ASCC3: variants seen among roughly 807,000 people sequenced by gnomAD.
ASCC3 encodes the protein activating signal cointegrator 1 complex subunit 3.
ASCC3 carries 158 observed loss-of-function variants against 256.3 expected under a neutral mutation model. That is an observed-to-expected ratio of 0.62 (90% CI 0.54 to 0.70). The LOEUF (loss-of-function observed/expected upper bound fraction) is 0.70, where lower values mean the gene tolerates loss of function less well. Among genes scored for constraint, ASCC3 ranks in the 30% least tolerant of loss-of-function variants. ASCC3 has a pLI of 0.00. For synonymous variants in ASCC3, 948 were observed against 883.4 expected (o/e 1.07, Z -1.30); for missense variants, 2,259 against 2,626.0 (o/e 0.86, Z 3.05).
chr6:100,525,772 C>T (rs1187942656), intron 37 of ASCC3, among the ~76,000 whole-genome samples: 3 of 152,140 alleles, frequency 2.0e-5, no homozygotes, highest in Admixed American at 2.0e-4. Flanking sequence ...GAACTTTGTA[C>T]TATCTTTGCA....
intron 34 of ASCC3, among the ~76,000 whole-genome samples, chr6:100,597,871 G>A (rs976160224): frequency 6.7e-6 from 1 of 148,952 alleles, no homozygotes; most frequent in African/African-American, 2.5e-5. Context: ...CTACTCGGGA[G>A]GCTGAGGCAG....
Position 100,590,043 on chromosome 6 carries a change from C to T in ASCC3, c.5320G>A (p.Asp1774Asn), listed in dbSNP as rs1031903529. 9 of 1,612,700 alleles carry T rather than the reference C, an allele frequency of 5.6e-6. No homozygotes were observed. The Admixed American group carries it at 6.7e-5, about 12-fold the overall frequency. The change falls in exon 35 of 42, where the codon GAT becomes AAT. Residue 1774 changes from aspartate (D) to asparagine (N), a missense_variant. By Grantham distance (23) the Asp-to-Asn change is conservative. This residue lies in a region of ASCC3 where 1,839 missense variants were observed against 2,206.7 expected (regional missense o/e 0.83). Transcript: ENST00000369162. ...IMNPSYYNLG[D>N]VSHDSVNKFL... ...TTGTTCACAGAATCATGGCTCACAT[C>T]ACCCAAATTGTAATAGCTAGAAAAC...
chr6:100,667,144 C>G (rs557211506), intron 14 of ASCC3, among the ~76,000 whole-genome samples: 1 of 152,246 alleles, frequency 6.6e-6, no homozygotes, highest in South Asian at 2.1e-4. Context: ...TGGCAGGGTG[C>G]CTTCTTCATA....
At chr6:100,827,206 T>C (rs905593050) in intron 4 of ASCC3, among the ~76,000 whole-genome samples, 2 of 152,222 alleles carry the variant, frequency 1.3e-5, no homozygotes, top group Non-Finnish European at 2.9e-5. Context: ...CATTTTGTGT[T>C]TTACATTCTA....
intron 34 of ASCC3, among the ~76,000 whole-genome samples, chr6:100,590,261 A>C (rs1267338069): frequency 6.6e-6 from 1 of 152,100 alleles, no homozygotes; most frequent in African/African-American, 2.4e-5. Context: ...TTGTTCCCCT[A>C]GTGCTTACAG....
intron 3 of ASCC3, among the ~76,000 whole-genome samples, chr6:100,852,855 A>AC: frequency 6.6e-6 from 1 of 152,130 alleles, no homozygotes; most frequent in Non-Finnish European, 1.5e-5. Flanking sequence ...TTCAACTGTA[A>AC]TATATTTAAA....
intron 25 of ASCC3, among the ~76,000 whole-genome samples, chr6:100,632,351 A>T (rs947292555): frequency 2.5e-4 from 38 of 152,072 alleles, no homozygotes; most frequent in African/African-American, 9.2e-4. Context: ...ATATCCCATG[A>T]TCATGGACTG....
At chr6:100,852,347 G>A (rs1032126778) in intron 3 of ASCC3, among the ~76,000 whole-genome samples, 3 of 152,200 alleles carry the variant, frequency 2.0e-5, no homozygotes, top group African/African-American at 7.2e-5. Flanking sequence ...AGAAGGGGGA[G>A]ATGGAACGGC....
At chr6:100,829,221 C>T (rs1771491849) in intron 4 of ASCC3, among the ~76,000 whole-genome samples, 2 of 152,286 alleles carry the variant, frequency 1.3e-5, no homozygotes, top group Non-Finnish European at 2.9e-5. Context: ...AGACCCGCAC[C>T]GTGCACCTGC....
chr6:100,559,737 T>C (rs1305061456), intron 36 of ASCC3, among the ~76,000 whole-genome samples: 5 of 151,768 alleles, frequency 3.3e-5, no homozygotes, highest in Admixed American at 2.0e-4. Context: ...TCCCAAATAC[T>C]TGGGAGGCTG....
chr6:100,798,666 G>T, intron 8 of ASCC3, 47 bp downstream of exon 8: 1 of 1,607,480 alleles, frequency 6.2e-7, no homozygotes. Flanking sequence ...CATTCATACC[G>T]CATACCAAGC....
chr6:100,830,796 C>T (rs1408716818), intron 4 of ASCC3, among the ~76,000 whole-genome samples: 4 of 152,134 alleles, frequency 2.6e-5, no homozygotes, highest in Non-Finnish European at 4.4e-5. Context: ...ATGTAAAATG[C>T]ATAAGCAACT....
chr6:100,605,778 C>G (rs1220839380), intron 32 of ASCC3, 78 bp from the exon 33 acceptor site: 5 of 1,454,902 alleles, frequency 3.4e-6, no homozygotes, highest in Non-Finnish European at 4.8e-6. Flanking sequence ...TGGCATGCTT[C>G]TATAATCAAC....
intron 30 of ASCC3, among the ~76,000 whole-genome samples, chr6:100,609,793 C>T (rs1773301222): frequency 6.6e-6 from 1 of 152,012 alleles, no homozygotes; most frequent in South Asian, 2.1e-4. Flanking sequence ...TGCCTGTAAC[C>T]CCAGCTACTC....
chr6:100,556,234 G>A (rs1562116024), intron 36 of ASCC3, among the ~76,000 whole-genome samples: 1 of 152,028 alleles, frequency 6.6e-6, no homozygotes, highest in Non-Finnish European at 1.5e-5. Flanking sequence ...TCTTGTTCTA[G>A]GAGTTAAGAA....
chr6:100,739,649 C>G (rs1333207678), intron 10 of ASCC3, among the ~76,000 whole-genome samples: 1 of 152,084 alleles, frequency 6.6e-6, no homozygotes, highest in East Asian at 1.9e-4. Context: ...TCAATTTCTT[C>G]CTGATCTAGT....
chr6:100,788,299 T>A (rs888757946), intron 8 of ASCC3, among the ~76,000 whole-genome samples: 4 of 151,948 alleles, frequency 2.6e-5, no homozygotes, highest in Non-Finnish European at 5.9e-5. Flanking sequence ...TGTTTAAAAA[T>A]TTTTAAACCG....
chr6:100,745,911 T>G (rs1458182808), intron 10 of ASCC3, among the ~76,000 whole-genome samples: 1 of 151,990 alleles, frequency 6.6e-6, no homozygotes, highest in Non-Finnish European at 1.5e-5. Flanking sequence ...AGTAACCCAC[T>G]TTGTCAATGT....
intron 14 of ASCC3, among the ~76,000 whole-genome samples, chr6:100,670,175 T>A (rs916032523): frequency 3.9e-5 from 6 of 152,010 alleles, no homozygotes; most frequent in Non-Finnish European, 7.4e-5. Context: ...TCACTCATAA[T>A]TAAAGAAATG....
Sources: allele counts gnomAD v4.1 joint callset (sites outside exome capture counted in the v4.1 genomes callset), GRCh38; gene constraint gnomAD v4.1.1; regional missense constraint gnomAD v4.1.1; transcripts MANE v1.5; gene names NCBI Gene and HGNC (gene_info 2026-07-23, HGNC 2026-07-21).